EIF3F: variants seen among roughly 807,000 people sequenced by gnomAD.
EIF3F encodes deubiquitinating enzyme eIF3f.
EIF3F carries 8 observed loss-of-function variants against 36.0 expected under a neutral mutation model. That is an observed-to-expected ratio of 0.22 (90% CI 0.13 to 0.40). EIF3F has a LOEUF of 0.40. Ranked by LOEUF, EIF3F falls within the 10% of genes least tolerant of loss-of-function variation. The probability of loss-of-function intolerance (pLI) is 1.00; values close to 1 mark genes in which losing one functional copy is unlikely to be tolerated. For missense variants in EIF3F, 430 were observed against 467.6 expected, an observed-to-expected ratio of 0.92 and a Z score of 0.74; for synonymous variants, 184 against 188.5, an observed-to-expected ratio of 0.98 and a Z score of 0.19.
At position 7,987,539 on chromosome 11, in the gene EIF3F, C is replaced by G; in HGVS notation, c.187C>G (p.Pro63Ala). 3 of 1,603,986 alleles carry G rather than the reference C, an allele frequency of 1.9e-6. No individual in the cohort carries two copies. Among genetic ancestry groups the G allele is most frequent in the Non-Finnish European group, 2.6e-6 (3 of 1,176,272 alleles). The change falls in exon 1 of 8, where the codon CCG (proline) becomes GCG (alanine). Residue 63 changes from proline (P) to alanine (A), a missense_variant. Physicochemically the swap from Pro to Ala is conservative, Grantham distance 27 (BLOSUM62 -1). Coordinates refer to ENST00000651655, the MANE Select transcript of EIF3F (RefSeq NM_003754.3). Reference sequence around the variant, plus strand: ...TGCAACTGCGGCTCCTGGCCAGACCCCGGCCTCAGCGCAAGCTCCAGCGCA... The same window carrying G: ...TGCAACTGCGGCTCCTGGCCAGACCGCGGCCTCAGCGCAAGCTCCAGCGCA... ...AAATAAPGQT[P>A]ASAQAPAQTP... is the part of the protein sequence containing the mutation.
intron 1 of EIF3F, among the ~76,000 whole-genome samples, chr11:7,989,021 C>T (rs1040232700): frequency 6.6e-6 from 1 of 152,186 alleles, no homozygotes; most frequent in Non-Finnish European, 1.5e-5. Context: ...CAAGCTTTTG[C>T]GTTCTCTTTG....
At chr11:7,992,433 A>G in intron 3 of EIF3F, 1 of 490,460 alleles carries the variant, frequency 2.0e-6, no homozygotes, top group Non-Finnish European at 3.6e-6. Context: ...TTAGCCAGGC[A>G]TGATGACACA....
intron 1 of EIF3F, among the ~76,000 whole-genome samples, chr11:7,988,599 G>A (rs1942055480): frequency 6.6e-6 from 1 of 152,150 alleles, no homozygotes; most frequent in East Asian, 1.9e-4. Context: ...CCATCTTAGT[G>A]CCAGATTTTA....
chr11:7,987,691 T>C lies in EIF3F; in HGVS notation c.339T>C (p.Ala113=), dbSNP rs149749747. The change falls in exon 1 of 8, where the codon GCT becomes GCC. Residue 113 remains alanine, a synonymous_variant. Coordinates refer to ENST00000651655, the MANE Select transcript of EIF3F (RefSeq NM_003754.3). ...GCTACGAGAGACGCAACGAGGGTGCTGCCCGAGTTATCGGGACCCTGTTGG... is the reference window on the plus strand; with the variant it reads ...GCTACGAGAGACGCAACGAGGGTGCCGCCCGAGTTATCGGGACCCTGTTGG... ...VDSYERRNEG[A]ARVIGTLLGT... is the part of the protein sequence containing the mutation. The C allele has an allele frequency of 5.9e-6, 9 of 1,515,894 alleles. No homozygotes were observed. The highest frequency in any genetic ancestry group is 2.3e-5 in the Admixed American group (1 of 44,166). 93.9% of individuals were successfully genotyped at this position (1,515,894 alleles called of 1,614,324 possible).
At chr11:7,995,406 TC>T in intron 7 of EIF3F, 39 bp downstream of exon 7, 1 of 1,492,874 alleles carries the variant, frequency 6.7e-7, no homozygotes, top group Non-Finnish European at 9.4e-7. Context: ...CCTGGTTTCT[TC>T]CCCCACCTCA....
At chr11:7,989,861 G>A (rs1009668388) in intron 1 of EIF3F, among the ~76,000 whole-genome samples, 10 of 152,214 alleles carry the variant, frequency 6.6e-5, no homozygotes, top group Non-Finnish European at 1.5e-4. Context: ...GTGACAGGAG[G>A]TAGAGCAGGA....
chr11:7,988,017 AC>A (rs2133665684), intron 1 of EIF3F: 1 of 277,466 alleles, frequency 3.6e-6, no homozygotes, highest in East Asian at 6.9e-5. Context: ...CCAGTGGTTT[AC>A]ATTTTACATA....
rs780110207 is a variant in EIF3F at position 7,994,473 on chromosome 11, C to T, written c.701C>T (p.Pro234Leu). The change falls in exon 5 of 8, where the codon CCT (proline) becomes CTT (leucine). Residue 234 changes from proline (P) to leucine (L), a missense_variant. Pro to Leu is a moderately conservative substitution (Grantham distance 98). This residue lies in a region of EIF3F where 262 missense variants were observed against 347.4 expected (regional missense o/e 0.75). Transcript: ENST00000651655. ...PGRTMGVMFT[P>L]LTVKYAYYDT... The stretch of plus-strand genomic sequence containing the variant: ...AGGACCATGGGAGTGATGTTCACGC[C>T]TCTGACAGTGAAATACGCGTACTAC... The T allele has an allele frequency of 1.9e-6, 3 of 1,614,070 alleles. No homozygotes were observed.
rs549143229 is a variant in EIF3F, at chr11:7,998,111, G to C, written c.*2089G>C. 6 of 152,234 alleles carry C rather than the reference G, an allele frequency of 3.9e-5. No homozygotes were observed. In the South Asian group the frequency reaches 1.2e-3, roughly 32 times the overall value. 9.4% of individuals were successfully genotyped at this position (152,234 alleles called of 1,614,324 possible). A position where few individuals can be genotyped will look rare whatever the true frequency, so the allele number is the denominator to read the frequency against. On this transcript the variant is annotated 3_prime_UTR_variant, in exon 8 of 8. Coordinates refer to ENST00000651655, the MANE Select transcript of EIF3F (RefSeq NM_003754.3). ...GTGTGTATATATATATGTATAGTCT[G>C]TTCTCATTATCTATAGTAGTTATGT... is the stretch of plus-strand genomic sequence containing the variant.
At chr11:7,991,919 C>A in intron 2 of EIF3F, 68 bp downstream of exon 2, 1 of 1,565,260 alleles carries the variant, frequency 6.4e-7, no homozygotes, top group Non-Finnish European at 8.8e-7. Context: ...CCCTCACGGT[C>A]CCTCCCACAC....
Position 7,995,136 on chromosome 11 carries a change from A to G in EIF3F, c.882+18A>G, listed in dbSNP as rs1261453423. On this transcript the variant is annotated intron_variant, in intron 6 of 7. Coordinates refer to ENST00000651655, the MANE Select transcript of EIF3F (RefSeq NM_003754.3). ...ATGTACTGGTGAGAGGGGAAAGAAA[A>G]AACAAAGGGGGAGGACATAGTTCTC... The G allele has an allele frequency of 6.2e-7, 1 of 1,612,816 alleles. No homozygotes were observed. The highest frequency in any genetic ancestry group is 1.1e-5 in the South Asian group (1 of 90,954).
Position 8,001,162 on chromosome 11 carries a change from G to T in EIF3F, c.*5140G>T, listed in dbSNP as rs1219571325. ...ATGTGAAAAGATGCTTGATCTCACT[G>T]ATAAAGCATAAATTAAAACGATGTC... is the stretch of plus-strand genomic sequence containing the variant. On this transcript the variant is annotated 3_prime_UTR_variant, in exon 8 of 8. Coordinates refer to ENST00000651655, the MANE Select transcript of EIF3F (RefSeq NM_003754.3). The T allele has an allele frequency of 6.6e-6, 1 of 152,176 alleles. No individual in the cohort carries two copies. The highest frequency in any genetic ancestry group is 1.5e-5 in the Non-Finnish European group (1 of 68,034). 9.4% of individuals were successfully genotyped at this position (152,176 alleles called of 1,614,324 possible). A position where few individuals can be genotyped will look rare whatever the true frequency, so the allele number is the denominator to read the frequency against.
rs1196207100 is a variant in EIF3F at position 7,995,667 on chromosome 11, C to T, written c.997-278C>T. On this transcript the variant is annotated intron_variant, in intron 7 of 7. Coordinates refer to ENST00000651655, the MANE Select transcript of EIF3F (RefSeq NM_003754.3). ...TCAGAGGTTAATGAAAATGCAATTACTTATTTCCCCCATCTGAGTTCACAG... is the reference window on the plus strand; with the variant it reads ...TCAGAGGTTAATGAAAATGCAATTATTTATTTCCCCCATCTGAGTTCACAG... 1.2e-5 allele frequency: 7 copies of T among 582,986 alleles called. No homozygotes were observed. In the East Asian group the frequency reaches 1.4e-4, roughly 12 times the overall value. The allele number at this position is 582,986 out of a possible 1,614,324, so 36.1% of individuals were successfully genotyped here.
At position 8,001,826 on chromosome 11, in the gene EIF3F, T is replaced by G. The variant is rs762536233; in HGVS notation, c.*5804T>G. Reference sequence around the variant, plus strand: ...CTGTTAATGTAATTTTTCAAAAAAATATATAAAAATATAAAAACATGAAAA... The same window carrying G: ...CTGTTAATGTAATTTTTCAAAAAAAGATATAAAAATATAAAAACATGAAAA... On this transcript the variant is annotated 3_prime_UTR_variant, in exon 8 of 8. Transcript: ENST00000651655. 4.6e-5 allele frequency: 7 copies of G among 152,070 alleles called. No individual in the cohort carries two copies. Among genetic ancestry groups the G allele is most frequent in the Non-Finnish European group, 1.0e-4 (7 of 68,006 alleles). The allele number at this position is 152,070 out of a possible 1,614,324, so 9.4% of individuals were successfully genotyped here.
At chr11:7,991,505 G>A (rs557131100) in intron 1 of EIF3F, among the ~76,000 whole-genome samples, 1 of 152,298 alleles carries the variant, frequency 6.6e-6, no homozygotes, top group South Asian at 2.1e-4. Flanking sequence ...GTCTGGAATA[G>A]GCTAGTAGTG....
chr11:7,996,117 G>A lies in EIF3F; in HGVS notation c.*95G>A, dbSNP rs1942156928. 6 of 1,072,508 alleles carry A rather than the reference G, an allele frequency of 5.6e-6. No homozygotes were observed. The highest frequency in any genetic ancestry group is 5.8e-6 in the Non-Finnish European group (4 of 693,060). 66.4% of individuals were successfully genotyped at this position (1,072,508 alleles called of 1,614,324 possible). ...GTTTTTTGTGGTCTTGAGTCACACTGAGATAGTCAGTTGTGTGTGACTCTA... is the reference window on the plus strand; with the variant it reads ...GTTTTTTGTGGTCTTGAGTCACACTAAGATAGTCAGTTGTGTGTGACTCTA... On this transcript the variant is annotated 3_prime_UTR_variant, in exon 8 of 8. Transcript: ENST00000651655.
At chr11:7,995,183 T>C (rs1105984) in intron 6 of EIF3F, 65 bp downstream of exon 6, 261,283 of 1,604,994 alleles carry the variant, frequency 0.16, 23,451 homozygotes, top group African/African-American at 0.3. Flanking sequence ...CACTGAGGCA[T>C]GTGCTGATGA....
At chr11:7,988,349 A>G (rs1942052635) in intron 1 of EIF3F, among the ~76,000 whole-genome samples, 1 of 152,204 alleles carries the variant, frequency 6.6e-6, no homozygotes, top group South Asian at 2.1e-4. Context: ...ATTAGTACCT[A>G]ATGTGAGAAA....
At chr11:7,990,245 T>C (rs778238834) in intron 1 of EIF3F, among the ~76,000 whole-genome samples, 1 of 152,172 alleles carries the variant, frequency 6.6e-6, no homozygotes, top group Non-Finnish European at 1.5e-5. Context: ...TTAGGAATTA[T>C]GTCATTGGAA....
Sources: gnomAD v4.1 joint callset for allele counts (sites outside exome capture counted in the v4.1 genomes callset) on GRCh38, gnomAD v4.1.1 for gene constraint, gnomAD v4.1.1 regional missense constraint, MANE v1.5 for transcripts, NCBI Gene and HGNC (gene_info 2026-07-23, HGNC 2026-07-21) for gene names.